Variants in PROM1 observed in about 807,000 individuals in gnomAD.
The protein encoded by PROM1 is prominin-1.
A neutral mutation model predicts 116.9 loss-of-function variants in PROM1; 105 were observed. The observed-to-expected ratio is 0.90, with a 90% CI of 0.77 to 1.06. The LOEUF is 1.06. Ranked by LOEUF, PROM1 falls within the 50% of genes least tolerant of loss-of-function variation. The pLI is 0.00. For synonymous variants in PROM1, 393 were observed against 387.0 expected (o/e 1.02, Z -0.18); for missense variants, 1,122 against 1,045.2 (o/e 1.07, Z -1.01).
intron 1 of PROM1, chr4:16,076,547 AAG>A (rs1743990315): frequency 6.6e-6 from 1 of 152,600 alleles, no homozygotes; most frequent in African/African-American, 2.4e-5. Flanking sequence ...TGACTTGCCC[AAG>A]GTCACAGGTG....
At chr4:16,062,693 A>G (rs1268635589) in intron 2 of PROM1, among the ~76,000 whole-genome samples, 1 of 152,254 alleles carries the variant, frequency 6.6e-6, no homozygotes. Context: ...AGTATGATTT[A>G]TATTAGAAAC....
chr4:16,055,626 C>T (rs549297094), intron 2 of PROM1, among the ~76,000 whole-genome samples: 6 of 152,246 alleles, frequency 3.9e-5, no homozygotes, highest in African/African-American at 1.4e-4. Flanking sequence ...TAAGACTCTG[C>T]TACATAGCTA....
intron 2 of PROM1, among the ~76,000 whole-genome samples, chr4:16,057,195 G>C (rs1739253359): frequency 6.6e-6 from 1 of 152,138 alleles, no homozygotes; most frequent in Admixed American, 6.6e-5. Flanking sequence ...CACAGATCTG[G>C]CACATAAAAC....
In PROM1 at chr4:15,989,566, G is replaced by A. The variant is rs574666669; in HGVS notation, c.2076+166C>T. Among the ~76,000 whole-genome samples the A allele has an allele frequency of 1.3e-4, 20 of 152,346 alleles. No individual in the cohort carries two copies. In the South Asian group the frequency reaches 4.1e-3, roughly 32 times the overall value. ...AACGGAAGGGAATAAGCAGCAGAGGGAGGTGCAATTATTTTGTCTAAAGGC... is the reference window on the plus strand; with the variant it reads ...AACGGAAGGGAATAAGCAGCAGAGGAAGGTGCAATTATTTTGTCTAAAGGC... On this transcript the variant is annotated intron_variant, in intron 19 of 27. Coordinates refer to ENST00000447510, the MANE Select transcript of PROM1 (RefSeq NM_006017.3).
intron 12 of PROM1, 57 bp downstream of exon 12, chr4:16,008,892 A>G (rs1726158990): frequency 6.8e-7 from 1 of 1,461,138 alleles, no homozygotes; most frequent in East Asian, 2.3e-5. Flanking sequence ...TCAGATTTTT[A>G]TCTCGTTCTC....
chr4:16,004,862 T>TTC (rs1453269908), intron 13 of PROM1, among the ~76,000 whole-genome samples: 112 of 138,420 alleles, frequency 8.1e-4, no homozygotes, highest in Non-Finnish European at 1.3e-3. Context: ...CCTTCCTTCC[T>TTC]CTCTCTCTCC....
chr4:16,034,775 G>C (rs1279094418), intron 4 of PROM1, among the ~76,000 whole-genome samples: 1 of 152,204 alleles, frequency 6.6e-6, no homozygotes, highest in Non-Finnish European at 1.5e-5. Context: ...CACGAGTCTT[G>C]TTCCTGGGAG....
chr4:15,971,182 G>T, intron 26 of PROM1, 100 bp from the exon 27 acceptor site: 1 of 991,036 alleles, frequency 1.0e-6, no homozygotes, highest in South Asian at 1.6e-5. Context: ...TAAAGGTACA[G>T]ACGAATATAA....
chr4:16,022,716 G>A (rs1443662587), intron 8 of PROM1, among the ~76,000 whole-genome samples: 1 of 152,126 alleles, frequency 6.6e-6, no homozygotes, highest in Non-Finnish European at 1.5e-5. Flanking sequence ...GGGCCTAGGA[G>A]GTCTTTTTTC....
At chr4:16,016,124 A>C in intron 10 of PROM1, 42 bp downstream of exon 10, 1 of 1,485,680 alleles carries the variant, frequency 6.7e-7, no homozygotes, top group Non-Finnish European at 9.2e-7. Flanking sequence ...CACCCTTTAA[A>C]ATGATATAAA....
intron 8 of PROM1, among the ~76,000 whole-genome samples, chr4:16,021,731 C>T (rs534806613): frequency 1.5e-4 from 23 of 152,196 alleles, no homozygotes; most frequent in Non-Finnish European, 3.1e-4. Context: ...CCACAACACC[C>T]GCCATCTTAA....
At chr4:16,022,365 C>T (rs1161977871) in intron 8 of PROM1, among the ~76,000 whole-genome samples, 4 of 152,066 alleles carry the variant, frequency 2.6e-5, no homozygotes, top group African/African-American at 9.7e-5. Context: ...ATGTTATTGT[C>T]GATGTCGAGA....
chr4:16,045,019 A>C (rs1736204071), intron 2 of PROM1, among the ~76,000 whole-genome samples: 1 of 152,170 alleles, frequency 6.6e-6, no homozygotes, highest in Admixed American at 6.5e-5. Context: ...GGAGCACTAC[A>C]GATGCTAAGA....
intron 23 of PROM1, 25 bp downstream of exon 23, chr4:15,984,238 C>T (rs1718714949): frequency 1.3e-6 from 2 of 1,513,366 alleles, no homozygotes; most frequent in South Asian, 1.2e-5. Flanking sequence ...TTCATTGTGT[C>T]TTCTTTTGAA....
rs768736158 is a variant in PROM1 at position 15,993,037 on chromosome 4, C to T, written c.1768-646G>A. 5.9e-5 allele frequency among the ~76,000 whole-genome samples: 9 copies of T among 152,282 alleles called. No individual in the cohort carries two copies. In the South Asian group the frequency reaches 8.3e-4, roughly 14 times the overall value. ...CACAGAGAAGTGACCCACAGCACGA[C>T]GGGCATCTATTTAGGGTTTGGTTAC... On this transcript the variant is annotated intron_variant, in intron 16 of 27. Coordinates refer to ENST00000447510, the MANE Select transcript of PROM1 (RefSeq NM_006017.3).
intron 2 of PROM1, among the ~76,000 whole-genome samples, chr4:16,059,548 A>G (rs1367305951): frequency 6.6e-6 from 1 of 151,998 alleles, no homozygotes; most frequent in Non-Finnish European, 1.5e-5. Flanking sequence ...TCTAAAAAAT[A>G]AAAAAAATTA....
intron 23 of PROM1, among the ~76,000 whole-genome samples, chr4:15,982,368 T>G (rs1029387075): frequency 6.6e-6 from 1 of 152,126 alleles, no homozygotes; most frequent in African/African-American, 2.4e-5. Context: ...CCCCCTTCCC[T>G]CTATGTTCTG....
chr4:16,029,662 C>A (rs1380240385), intron 5 of PROM1, among the ~76,000 whole-genome samples: 1 of 152,066 alleles, frequency 6.6e-6, no homozygotes, highest in South Asian at 2.1e-4. Context: ...CCCTTCACCC[C>A]CTAAAGAAAA....
At chr4:16,066,296 G>A (rs1741518211) in intron 2 of PROM1, among the ~76,000 whole-genome samples, 1 of 151,998 alleles carries the variant, frequency 6.6e-6, no homozygotes, top group Non-Finnish European at 1.5e-5. Flanking sequence ...TAATAAATAT[G>A]GATTTTATAC....
Sources: allele counts gnomAD v4.1 joint callset (sites outside exome capture counted in the v4.1 genomes callset), GRCh38; gene constraint gnomAD v4.1.1; transcripts MANE v1.5; gene names NCBI Gene and HGNC (gene_info 2026-07-23, HGNC 2026-07-21).